Variants in ENOX1 observed in about 807,000 individuals in gnomAD.
The protein encoded by ENOX1 is ecto-NOX disulfide-thiol exchanger 1.
In ENOX1, 42 loss-of-function variants were observed where a neutral mutation model predicts 82.5. The observed-to-expected ratio is 0.51, with a 90% CI of 0.40 to 0.66. The LOEUF (loss-of-function observed/expected upper bound fraction) is 0.66. Among genes scored for constraint, ENOX1 ranks in the 30% least tolerant of loss-of-function variants. The probability of loss-of-function intolerance (pLI) is 0.00; values close to 1 mark genes in which losing one functional copy is unlikely to be tolerated. For missense variants in ENOX1, 608 were observed against 811.6 expected (o/e 0.75, Z 3.05); for synonymous variants, 271 against 282.2 (o/e 0.96, Z 0.40).
At chr13:43,666,267 G>A (rs1328701124) in intron 2 of ENOX1, among the ~76,000 whole-genome samples, 1 of 152,064 alleles carries the variant, frequency 6.6e-6, no homozygotes, top group Non-Finnish European at 1.5e-5. Context: ...GAAATAAATT[G>A]AGGTATGCCT....
At chr13:43,405,721 A>G (rs2053755668) in intron 5 of ENOX1, among the ~76,000 whole-genome samples, 1 of 152,192 alleles carries the variant, frequency 6.6e-6, no homozygotes, top group African/African-American at 2.4e-5. Context: ...ACTGCTCAGG[A>G]TAATCGCTGG....
intron 2 of ENOX1, among the ~76,000 whole-genome samples, chr13:43,579,528 G>T (rs1327374333): frequency 6.6e-6 from 1 of 152,120 alleles, no homozygotes; most frequent in African/African-American, 2.4e-5. Context: ...TTTCACAAGG[G>T]ATTCAGTGTC....
At chr13:43,467,470 A>G (rs1008751006) in intron 3 of ENOX1, among the ~76,000 whole-genome samples, 1 of 151,522 alleles carries the variant, frequency 6.6e-6, no homozygotes, top group African/African-American at 2.4e-5. Flanking sequence ...TCATGTGCTT[A>G]TTGGCCATTT....
intron 14 of ENOX1, among the ~76,000 whole-genome samples, chr13:43,259,850 C>T (rs994472413): frequency 6.6e-6 from 1 of 152,298 alleles, no homozygotes; most frequent in African/African-American, 2.4e-5. Flanking sequence ...TCTGCTTTGT[C>T]TGCTCCTCTC....
intron 1 of ENOX1, among the ~76,000 whole-genome samples, chr13:43,774,455 A>G (rs1172121146): frequency 6.6e-6 from 1 of 150,478 alleles, no homozygotes; most frequent in Admixed American, 6.6e-5. Flanking sequence ...ACTGCTCTTC[A>G]GTGATTATAG....
chr13:43,290,411 C>G (rs1215206437), intron 12 of ENOX1, among the ~76,000 whole-genome samples: 1 of 151,890 alleles, frequency 6.6e-6, no homozygotes, highest in Non-Finnish European at 1.5e-5. Flanking sequence ...CAGAATACAA[C>G]TACAACCATA....
chr13:43,736,456 G>T (rs1409763134), intron 1 of ENOX1, among the ~76,000 whole-genome samples: 1 of 151,988 alleles, frequency 6.6e-6, no homozygotes, highest in African/African-American at 2.4e-5. Flanking sequence ...TCTGGAGATG[G>T]CAAGCAAGTG....
intron 5 of ENOX1, among the ~76,000 whole-genome samples, chr13:43,399,461 C>CA (rs2053365091): frequency 6.6e-6 from 1 of 152,178 alleles, no homozygotes; most frequent in Admixed American, 6.5e-5. Context: ...CTACAGGGGC[C>CA]AAGTCTTCTC....
chr13:43,664,775 G>T (rs1177983009), intron 2 of ENOX1, among the ~76,000 whole-genome samples: 1 of 152,158 alleles, frequency 6.6e-6, no homozygotes, highest in Non-Finnish European at 1.5e-5. Context: ...TTGGTATTTG[G>T]TGGAACTCTG....
chr13:43,558,955 A>T (rs1352766751), intron 2 of ENOX1, among the ~76,000 whole-genome samples: 1 of 152,196 alleles, frequency 6.6e-6, no homozygotes, highest in Non-Finnish European at 1.5e-5. Flanking sequence ...CAATATGAGG[A>T]AAGTTTTTCT....
At position 43,763,947 on chromosome 13, in the gene ENOX1, C is replaced by T. The variant is rs568885968; in HGVS notation, c.-285+22705G>A. 6.6e-5 allele frequency among the ~76,000 whole-genome samples: 10 copies of T among 152,218 alleles called. No individual in the cohort carries two copies. In the South Asian group the frequency reaches 1.2e-3, roughly 19 times the overall value. Reference sequence around the variant, plus strand: ...TATAAGATTCATAGAGAATTTGTATCCTAGACCTATGAGAATTTATCTGAT... The same window carrying T: ...TATAAGATTCATAGAGAATTTGTATTCTAGACCTATGAGAATTTATCTGAT... On this transcript the variant is annotated intron_variant, in intron 1 of 16. Coordinates refer to ENST00000690772, the MANE Select transcript of ENOX1 (RefSeq NM_001347969.2).
Position 43,667,556 on chromosome 13 carries a change from A to C in ENOX1, c.-284-12T>G, listed in dbSNP as rs765170623. ...TGGCAGCAAAGGACCTGTAAAATAA[A>C]GGCCATCTTGTTAGAAAAAACTTCA... On this transcript the variant is annotated splice_polypyrimidine_tract_variant and intron_variant, in intron 1 of 16. Transcript: ENST00000690772. The C allele has an allele frequency of 2.4e-5, 23 of 949,836 alleles. No homozygotes were observed. Among genetic ancestry groups the C allele is most frequent in the Non-Finnish European group, 2.9e-5 (23 of 797,512 alleles). 58.8% of individuals were successfully genotyped at this position (949,836 alleles called of 1,614,324 possible). A position where few individuals can be genotyped will look rare whatever the true frequency, so the allele number is the denominator to read the frequency against.
At chr13:43,382,268 T>C (rs1224997216) in intron 5 of ENOX1, among the ~76,000 whole-genome samples, 1 of 152,140 alleles carries the variant, frequency 6.6e-6, no homozygotes, top group Non-Finnish European at 1.5e-5. Flanking sequence ...CACACGATCA[T>C]CTCAATAGAT....
At chr13:43,724,384 T>C (rs951020001) in intron 1 of ENOX1, among the ~76,000 whole-genome samples, 2 of 152,214 alleles carry the variant, frequency 1.3e-5, no homozygotes, top group Non-Finnish European at 2.9e-5. Context: ...ACTGCTTCTC[T>C]TTGTGTCTAC....
intron 2 of ENOX1, among the ~76,000 whole-genome samples, chr13:43,487,892 T>A (rs757544832): frequency 6.6e-6 from 1 of 152,230 alleles, no homozygotes; most frequent in African/African-American, 2.4e-5. Context: ...TAGAAATGTC[T>A]TATTGCATTA....
chr13:43,320,946 A>G (rs2153526076), intron 11 of ENOX1: 2 of 355,828 alleles, frequency 5.6e-6, no homozygotes, highest in South Asian at 4.5e-5. Context: ...CTCCTCAAAT[A>G]AACAAACCCA....
At chr13:43,366,508 C>T (rs2050860643) in intron 5 of ENOX1, among the ~76,000 whole-genome samples, 1 of 152,184 alleles carries the variant, frequency 6.6e-6, no homozygotes, top group Non-Finnish European at 1.5e-5. Flanking sequence ...GATCTCCTGA[C>T]CTCGTGATCT....
rs146224329 is a variant in ENOX1, at chr13:43,574,890, T to A, written c.-218-90738A>T. 9.8e-4 allele frequency among the ~76,000 whole-genome samples: 150 copies of A among 152,290 alleles called. 2 individuals are homozygous for A. The Middle Eastern group carries it at 0.031, about 31-fold the overall frequency. On this transcript the variant is annotated intron_variant, in intron 2 of 16. Coordinates refer to ENST00000690772, the MANE Select transcript of ENOX1 (RefSeq NM_001347969.2). The stretch of plus-strand genomic sequence containing the variant: ...TAAGATTTTCCCACAATGACTGGCA[T>A]CCATGTGGAGAGACACCAAATGTCA...
At chr13:43,463,777 T>A (rs1210085558) in intron 3 of ENOX1, among the ~76,000 whole-genome samples, 4 of 152,204 alleles carry the variant, frequency 2.6e-5, no homozygotes, top group African/African-American at 9.7e-5. Context: ...ATCAATTTGC[T>A]TATTAAAACG....
Sources: allele counts gnomAD v4.1 joint callset (sites outside exome capture counted in the v4.1 genomes callset), GRCh38; gene constraint gnomAD v4.1.1; transcripts MANE v1.5; gene names NCBI Gene and HGNC (gene_info 2026-07-23, HGNC 2026-07-21).